Variants in KATNIP observed in about 807,000 individuals in gnomAD.
KATNIP encodes the protein katanin-interacting protein.
In KATNIP, 126 loss-of-function variants were observed where a neutral mutation model predicts 174.0. That is an observed-to-expected ratio of 0.72 (90% CI 0.63 to 0.84). The LOEUF (loss-of-function observed/expected upper bound fraction) is 0.84, where lower values mean the gene tolerates loss of function less well. Among genes scored for constraint, KATNIP ranks in the 40% least tolerant of loss-of-function variants. KATNIP has a pLI of 0.00. For synonymous variants in KATNIP, 810 were observed against 835.7 expected, an observed-to-expected ratio of 0.97 and a Z score of 0.53; for missense variants, 1,958 against 2,109.7, an observed-to-expected ratio of 0.93 and a Z score of 1.41.
At position 27,637,656 on chromosome 16, in the gene KATNIP, G is replaced by A. The variant is rs911310756; in HGVS notation, c.408+6494G>A. Among the ~76,000 whole-genome samples, 1 of 152,168 alleles carries A rather than the reference G, an allele frequency of 6.6e-6. No individual in the cohort carries two copies. The highest frequency in any genetic ancestry group is 2.1e-4 in the South Asian group (1 of 4,828). ...TGAGAGCAGCGGGCACTGGGCACAG[G>A]CTGAGAGGAGGCAGGGCGATCAGGA... is the stretch of plus-strand genomic sequence containing the variant. On this transcript the variant is annotated intron_variant, in intron 5 of 27. Transcript: ENST00000261588. This position sits in a 1 kb window ranked among gnomAD's most constrained non-coding sequence, Gnocchi z 4.7.
chr16:27,701,735 A>T, intron 11 of KATNIP, 40 bp downstream of exon 11: 1 of 1,378,974 alleles, frequency 7.3e-7, no homozygotes, highest in South Asian at 1.2e-5. Flanking sequence ...ACCCCTTAGC[A>T]GTGCAGCCAT....
chr16:27,629,973 A>T (rs375700798), intron 4 of KATNIP, among the ~76,000 whole-genome samples: 3 of 152,320 alleles, frequency 2.0e-5, no homozygotes, highest in African/African-American at 7.2e-5. Flanking sequence ...TGACTATGCC[A>T]CTGTACTCCA....
At chr16:27,592,099 A>G (rs2075188732) in intron 2 of KATNIP, among the ~76,000 whole-genome samples, 1 of 152,056 alleles carries the variant, frequency 6.6e-6, no homozygotes, top group South Asian at 2.1e-4. Context: ...ACAGAACCCC[A>G]TGACATGCCA....
At chr16:27,778,285 T>C (rs1331876789) in intron 27 of KATNIP, among the ~76,000 whole-genome samples, 2 of 152,138 alleles carry the variant, frequency 1.3e-5, no homozygotes, top group Admixed American at 1.3e-4. Context: ...GGGAAACCAA[T>C]AGAGGATGCC....
At chr16:27,644,994 C>T (rs1471477063) in intron 5 of KATNIP, among the ~76,000 whole-genome samples, 1 of 152,216 alleles carries the variant, frequency 6.6e-6, no homozygotes, top group African/African-American at 2.4e-5. Context: ...GAGTGAGACT[C>T]CCTTAAATAT....
intron 8 of KATNIP, among the ~76,000 whole-genome samples, chr16:27,691,864 T>A (rs913016688): frequency 1.3e-5 from 2 of 152,208 alleles, no homozygotes; most frequent in African/African-American, 2.4e-5. Context: ...TGGAGAAAGA[T>A]GCCTTTGTGA....
intron 18 of KATNIP, 106 bp downstream of exon 18, chr16:27,754,357 G>T: frequency 2.1e-6 from 2 of 937,278 alleles, no homozygotes; most frequent in Non-Finnish European, 3.3e-6. Flanking sequence ...CGGGTGGGTT[G>T]GACACTGTAC....
chr16:27,608,487 C>T (rs1183708103), intron 2 of KATNIP, among the ~76,000 whole-genome samples: 1 of 145,090 alleles, frequency 6.9e-6, no homozygotes, highest in African/African-American at 2.6e-5. Flanking sequence ...CCTAACTTCT[C>T]CCTTACGTCT....
intron 5 of KATNIP, among the ~76,000 whole-genome samples, chr16:27,647,651 A>G (rs1177470531): frequency 3.3e-5 from 5 of 152,008 alleles, no homozygotes; most frequent in Non-Finnish European, 5.9e-5. Flanking sequence ...GACTACAGGC[A>G]TGCGCCACCA....
At chr16:27,738,012 G>A (rs1001074979) in intron 14 of KATNIP, among the ~76,000 whole-genome samples, 8 of 152,096 alleles carry the variant, frequency 5.3e-5, no homozygotes, top group African/African-American at 1.7e-4. Context: ...AGGAGCCCAC[G>A]GGGACAGTGA....
intron 2 of KATNIP, among the ~76,000 whole-genome samples, chr16:27,614,209 A>C (rs992801148): frequency 4.0e-5 from 6 of 149,472 alleles, no homozygotes; most frequent in Non-Finnish European, 1.5e-5. Context: ...TCTGTTTCCC[A>C]GGCTGGAGTG....
At chr16:27,778,433 T>C (rs1360637471) in intron 27 of KATNIP, 141 bp from the exon 28 acceptor site, 1 of 773,508 alleles carries the variant, frequency 1.3e-6, no homozygotes, top group East Asian at 2.6e-5. Flanking sequence ...GGGGCCAGCG[T>C]GCCAGGCGCC....
intron 8 of KATNIP, among the ~76,000 whole-genome samples, chr16:27,694,211 G>A (rs1402297373): frequency 6.6e-6 from 1 of 152,146 alleles, no homozygotes; most frequent in Non-Finnish European, 1.5e-5. Flanking sequence ...GCCTTCTCCT[G>A]CCAGTGACAT....
Position 27,777,148 on chromosome 16 carries a change from TG to T in KATNIP, c.4551+120del. The T allele has an allele frequency of 1.4e-6, 1 of 695,380 alleles. No homozygotes were observed. The highest frequency in any genetic ancestry group is 1.8e-5 in the South Asian group (1 of 56,858). The allele number at this position is 695,380 out of a possible 1,614,324, so 43.1% of individuals were successfully genotyped here. A position where few individuals can be genotyped will look rare whatever the true frequency, so the allele number is the denominator to read the frequency against. ...TCTCTGTTGCAACCCTCAACACAAA[TG>T]CCTGGTCGTCAGATGCAGGCGAATT... On this transcript the variant is annotated intron_variant, in intron 25 of 27. Coordinates refer to ENST00000261588, the MANE Select transcript of KATNIP (RefSeq NM_015202.5). This position sits in a 1 kb window ranked among gnomAD's most constrained non-coding sequence, Gnocchi z 4.4.
intron 5 of KATNIP, among the ~76,000 whole-genome samples, chr16:27,638,194 G>C (rs1168242367): frequency 6.6e-6 from 1 of 152,188 alleles, no homozygotes; most frequent in African/African-American, 2.4e-5. Flanking sequence ...GCTATGACTA[G>C]AGCCCCTCAG....
intron 6 of KATNIP, among the ~76,000 whole-genome samples, chr16:27,662,087 TAC>T (rs1164541922): frequency 1.9e-5 from 2 of 103,258 alleles, no homozygotes; most frequent in Non-Finnish European, 3.8e-5. Flanking sequence ...CATATATATA[TAC>T]ACATACATAT....
chr16:27,691,191 G>A (rs534816382), intron 8 of KATNIP, among the ~76,000 whole-genome samples: 1 of 152,276 alleles, frequency 6.6e-6, no homozygotes, highest in African/African-American at 2.4e-5. Flanking sequence ...ACAGCTGGTG[G>A]CTGGTGAGCC....
chr16:27,631,213 GCTGTGGGAAT>G (rs1285729822), intron 5 of KATNIP, 51 bp downstream of exon 5: 1 of 1,377,028 alleles, frequency 7.3e-7, no homozygotes, highest in South Asian at 1.2e-5. Context: ...AGTGTGGGTG[GCTGTGGGAAT>G]AGAAATACAA....
intron 13 of KATNIP, among the ~76,000 whole-genome samples, chr16:27,717,256 T>G (rs1239935898): frequency 6.6e-6 from 1 of 152,188 alleles, no homozygotes; most frequent in Non-Finnish European, 1.5e-5. Flanking sequence ...GTCAATAGTT[T>G]GTTCCTTTTT....
Sources: allele counts gnomAD v4.1 joint callset (sites outside exome capture counted in the v4.1 genomes callset), GRCh38; gene constraint gnomAD v4.1.1; non-coding constraint Gnocchi (gnomAD v3.1); transcripts MANE v1.5; gene names NCBI Gene and HGNC (gene_info 2026-07-23, HGNC 2026-07-21).